FDXR: variants seen among roughly 807,000 people sequenced by gnomAD.
FDXR encodes ferredoxin reductase.
Under a neutral mutation model 58.3 loss-of-function variants are expected in FDXR, and 38 were observed. That is an observed-to-expected ratio of 0.65 (90% confidence interval 0.50 to 0.85). The LOEUF is 0.85. Among genes scored for constraint, FDXR ranks in the 40% least tolerant of loss-of-function variants. The probability of loss-of-function intolerance (pLI) is 0.00; values close to 1 mark genes in which losing one functional copy is unlikely to be tolerated. For missense variants in FDXR, 624 were observed against 671.0 expected, an observed-to-expected ratio of 0.93 and a Z score of 0.77; for synonymous variants, 275 against 273.8, an observed-to-expected ratio of 1.00 and a Z score of -0.04.
chr17:74,864,359 G>A lies in FDXR; in HGVS notation c.803-12C>T, dbSNP rs1462758322. The A allele has an allele frequency of 6.3e-6, 10 of 1,579,948 alleles. No individual in the cohort carries two copies. Among genetic ancestry groups the A allele is most frequent in the African/African-American group, 4.1e-5 (3 of 73,708 alleles). On this transcript the variant is annotated splice_polypyrimidine_tract_variant and intron_variant, in intron 8 of 11. Coordinates refer to ENST00000293195, the MANE Select transcript of FDXR (RefSeq NM_024417.5). ...CGGGCGGGGGACCTCTGTCAGCAACGTAGAATGTCTCCAGGCTGTCCCTGG... is the reference window on the plus strand; with the variant it reads ...CGGGCGGGGGACCTCTGTCAGCAACATAGAATGTCTCCAGGCTGTCCCTGG...
At chr17:74,863,755 G>A (rs1396111958) in intron 10 of FDXR, 141 bp downstream of exon 10, 15 of 1,023,794 alleles carry the variant, frequency 1.5e-5, no homozygotes, top group Non-Finnish European at 1.9e-5. Context: ...AGAGGAGGGC[G>A]GCACTGGGTC....
chr17:74,866,645 C>G, intron 3 of FDXR, 77 bp from the exon 4 acceptor site: 2 of 1,597,558 alleles, frequency 1.3e-6, no homozygotes, highest in Admixed American at 3.4e-5. Context: ...ACCCTCACCA[C>G]TCTGTGTCCC....
chr17:74,864,363 A>C lies in FDXR; in HGVS notation c.803-16T>G. 1 of 1,580,898 alleles carries C rather than the reference A, an allele frequency of 6.3e-7. No individual in the cohort carries two copies. The highest frequency in any genetic ancestry group is 1.1e-5 in the South Asian group (1 of 87,804). On this transcript the variant is annotated splice_polypyrimidine_tract_variant and intron_variant, in intron 8 of 11. Coordinates refer to ENST00000293195, the MANE Select transcript of FDXR (RefSeq NM_024417.5). ...CGGGGGACCTCTGTCAGCAACGTAG[A>C]ATGTCTCCAGGCTGTCCCTGGGCCC...
In FDXR at chr17:74,864,066, C is replaced by A; in HGVS notation, c.1004G>T (p.Gly335Val). The change falls in exon 10 of 12, where the codon GGT becomes GTT. Residue 335 changes from glycine (G) to valine (V), a missense_variant and splice_region_variant. By Grantham distance (109) the Gly-to-Val change is moderately radical (BLOSUM62 -3). Transcript: ENST00000293195. ...GVRLAVTRLE[G>V]VDEATRAVPT... is the part of the protein sequence containing the mutation. ...CACTGCACGGGTGGCCTCATCGACA[C>A]CCTGTTGGGGAGAGTGTGGGCAACA... is the stretch of plus-strand genomic sequence containing the variant. 1 of 1,613,864 alleles carries A rather than the reference C, an allele frequency of 6.2e-7. No homozygotes were observed. Among genetic ancestry groups the A allele is most frequent in the Non-Finnish European group, 8.5e-7 (1 of 1,180,038 alleles).
chr17:74,868,850 ACT>A (rs1008396916), intron 2 of FDXR: 33 of 1,063,356 alleles, frequency 3.1e-5, no homozygotes, highest in African/African-American at 1.1e-4. Context: ...ATGACTTTCT[ACT>A]CTCTCTCTCC....
intron 1 of FDXR, 188 bp downstream of exon 1, chr17:74,872,678 C>T: frequency 4.6e-6 from 6 of 1,317,050 alleles, no homozygotes; most frequent in Non-Finnish European, 6.2e-6. Flanking sequence ...CGTCTCTAAC[C>T]CTAGAAGCCT....
rs1479121643 is a variant in FDXR at position 74,864,904 on chromosome 17, C to G, written c.637G>C (p.Gly213Arg). Residue 213 changes from glycine (G) to arginine (R), a missense_variant, in exon 7 of 12, where the codon GGT becomes CGT. By Grantham distance (125) the Gly-to-Arg change is moderately radical. Transcript: ENST00000293195. ...TTCACTCGACTCTGCCTCAGTACAC[C>G]CAGGGCTGCCTTCGTGATGTCCGTT... ...ERTDITKAAL[G>R]VLRQSRVKTV... 1.2e-6 allele frequency: 2 copies of G among 1,614,140 alleles called. No homozygotes were observed. Among genetic ancestry groups the G allele is most frequent in the Non-Finnish European group, 1.7e-6 (2 of 1,179,996 alleles).
rs2038152911 is a variant in FDXR, at chr17:74,865,722, C to A, written c.606G>T (p.Leu202=). Residue 202 remains leucine, a synonymous_variant, in exon 6 of 12, where the codon CTG becomes CTT. Coordinates refer to ENST00000293195, the MANE Select transcript of FDXR (RefSeq NM_024417.5). ...CCAGCCCTGACCTACCACTCACCTC[C>A]AGGTGCTCAGGTGGGGTCAGTAGGA... ...ARILLTPPEH[L]ERTDITKAAL... The A allele has an allele frequency of 1.2e-6, 2 of 1,608,786 alleles. No individual in the cohort carries two copies. The highest frequency in any genetic ancestry group is 1.3e-5 in the African/African-American group (1 of 74,866).
At chr17:74,865,309 G>T (rs927465576) in intron 6 of FDXR, among the ~76,000 whole-genome samples, 1 of 152,092 alleles carries the variant, frequency 6.6e-6, no homozygotes, top group East Asian at 1.9e-4. Context: ...AATTGCTGTG[G>T]CGATGATATG....
chr17:74,866,242 GCT>G lies in FDXR; in HGVS notation c.394_395del (p.Ser132LeufsTer14), dbSNP rs2038178883. The G allele has an allele frequency of 6.2e-7, 1 of 1,612,838 alleles. No individual in the cohort carries two copies. Among genetic ancestry groups the G allele is most frequent in the African/African-American group, 1.3e-5 (1 of 74,870 alleles). ...GGGCCCGATGGTCCTCTGCCCCGTA[GCT>G]CTGATGAAAGATGGCAGGCCCGAGA... The part of the protein sequence containing the change: ...LQEAYHAVVL[S>X]YGAEDHRALE... On this transcript the variant is annotated frameshift_variant and splice_region_variant, in exon 5 of 12. Coordinates refer to ENST00000293195, the MANE Select transcript of FDXR (RefSeq NM_024417.5). LOFTEE classifies it high-confidence loss of function.
At chr17:74,869,133 T>C (rs1003745829) in intron 2 of FDXR, among the ~76,000 whole-genome samples, 1 of 152,190 alleles carries the variant, frequency 6.6e-6, no homozygotes, top group African/African-American at 2.4e-5. Flanking sequence ...CCACCAGCCC[T>C]GCCTGGACCT....
At position 74,866,167 on chromosome 17, in the gene FDXR, G is replaced by C. The variant is rs765117011; in HGVS notation, c.471C>G (p.Phe157Leu). ...CAGGAAGCCCGTTGTACCAGCCCAC[G>C]AAGGCCCGGGCGGAGCACACACCTG... is the stretch of plus-strand genomic sequence containing the variant. Reference protein sequence around the residue: ...ELPGVCSARAFVGWYNGLPEN... With the variant: ...ELPGVCSARALVGWYNGLPEN... The change falls in exon 5 of 12, where the codon TTC (phenylalanine) becomes TTG (leucine). Residue 157 changes from phenylalanine (F) to leucine (L), a missense_variant. Transcript: ENST00000293195. 6.2e-7 allele frequency: 1 copy of C among 1,613,734 alleles called. No individual in the cohort carries two copies. The highest frequency in any genetic ancestry group is 1.3e-5 in the African/African-American group (1 of 74,884).
chr17:74,866,170 G>A lies in FDXR; in HGVS notation c.468C>T (p.Ala156=), dbSNP rs750442269. Residue 156 remains alanine (A), a synonymous_variant, in exon 5 of 12, where the codon GCC becomes GCT. Transcript: ENST00000293195. Reference sequence around the variant, plus strand: ...GAAGCCCGTTGTACCAGCCCACGAAGGCCCGGGCGGAGCACACACCTGGCA... The same window carrying A: ...GAAGCCCGTTGTACCAGCCCACGAAAGCCCGGGCGGAGCACACACCTGGCA... ...EELPGVCSAR[A]FVGWYNGLPE... 3.7e-6 allele frequency: 6 copies of A among 1,613,912 alleles called. No homozygotes were observed. The highest frequency in any genetic ancestry group is 5.1e-6 in the Non-Finnish European group (6 of 1,179,958).
At chr17:74,869,961 G>A (rs2038317169) in intron 2 of FDXR, 1 of 453,792 alleles carries the variant, frequency 2.2e-6, no homozygotes. Flanking sequence ...TGTGAAGCAA[G>A]AGGCACGACA....
intron 7 of FDXR, 27 bp from the exon 8 acceptor site, chr17:74,864,591 G>A (rs769499990): frequency 9.4e-6 from 15 of 1,601,276 alleles, no homozygotes; most frequent in Non-Finnish European, 1.2e-5. Context: ...GGGAATGGGG[G>A]AGGAGGTCAG....
rs931795854 is a variant in FDXR at position 74,864,073 on chromosome 17, G to C, written c.1003-6C>G. ...CGGGTGGCCTCATCGACACCCTGTT[G>C]GGGAGAGTGTGGGCAACACCAGGCG... On this transcript the variant is annotated splice_region_variant and splice_polypyrimidine_tract_variant and intron_variant, in intron 9 of 11. Transcript: ENST00000293195. The C allele has an allele frequency of 6.8e-6, 11 of 1,613,676 alleles. No homozygotes were observed. The highest frequency in any genetic ancestry group is 9.3e-6 in the Non-Finnish European group (11 of 1,180,042).
At chr17:74,867,306 CAAAAAAAAAAAAAA>C (rs56079045) in intron 2 of FDXR, among the ~76,000 whole-genome samples, 4 of 16,544 alleles carry the variant, frequency 2.4e-4, no homozygotes, top group South Asian at 5.4e-3. Flanking sequence ...GACTCTGTCT[CAAAAAAAAAAAAAA>C]AAAAAAAAAA....
At chr17:74,870,167 C>T (rs2038324152) in intron 2 of FDXR, 14 of 291,182 alleles carry the variant, frequency 4.8e-5, no homozygotes, top group South Asian at 3.8e-4. Context: ...CCCTCCCCAT[C>T]CCATTCCACA....
chr17:74,866,726 C>T, intron 3 of FDXR, 58 bp downstream of exon 3: 5 of 1,597,436 alleles, frequency 3.1e-6, no homozygotes, highest in Non-Finnish European at 4.3e-6. Flanking sequence ...AGCCTCCCTG[C>T]CCTCCTCATC....
Sources: gnomAD v4.1 joint callset for allele counts (sites outside exome capture counted in the v4.1 genomes callset) on GRCh38, gnomAD v4.1.1 for gene constraint, MANE v1.5 for transcripts, NCBI Gene and HGNC (gene_info 2026-07-23, HGNC 2026-07-21) for gene names.